Variants in HUNK observed in about 807,000 individuals in gnomAD.
HUNK encodes hormonally up-regulated Neu-associated kinase.
HUNK carries 21 observed loss-of-function variants against 61.0 expected under a neutral mutation model. The observed-to-expected ratio is 0.34, with a 90% CI of 0.24 to 0.50. The LOEUF is 0.50. Ranked by LOEUF, HUNK falls within the 20% of genes least tolerant of loss-of-function variation. The pLI, the probability that HUNK is intolerant of heterozygous loss-of-function variation, is 0.98. For missense variants in HUNK, 772 were observed against 945.7 expected, an observed-to-expected ratio of 0.82 and a Z score of 2.41; for synonymous variants, 371 against 386.1, an observed-to-expected ratio of 0.96 and a Z score of 0.46.
At chr21:31,916,342 G>A (rs554437172) in intron 1 of HUNK, among the ~76,000 whole-genome samples, 3 of 151,828 alleles carry the variant, frequency 2.0e-5, no homozygotes, top group African/African-American at 7.3e-5. Flanking sequence ...GAGCCATTGC[G>A]CCCGGCCCTA....
chr21:31,876,331 G>T (rs2052262210), intron 1 of HUNK, among the ~76,000 whole-genome samples: 1 of 152,192 alleles, frequency 6.6e-6, no homozygotes, highest in African/African-American at 2.4e-5. Context: ...GGCATTGGGA[G>T]AAATCTGGAT....
At chr21:31,987,138 C>T (rs1014223367) in intron 8 of HUNK, among the ~76,000 whole-genome samples, 3 of 152,174 alleles carry the variant, frequency 2.0e-5, no homozygotes, top group African/African-American at 7.2e-5. Flanking sequence ...GATAAGCAAC[C>T]GGAATAGGTA....
At position 32,000,621 on chromosome 21, in the gene HUNK, A is replaced by G. The variant is rs2053239711; in HGVS notation, c.*1437A>G. The G allele has an allele frequency of 2.5e-6, 1 of 399,128 alleles. No homozygotes were observed. The highest frequency in any genetic ancestry group is 3.6e-5 in the East Asian group (1 of 28,086). The allele number at this position is 399,128 out of a possible 1,614,324, so 24.7% of individuals were successfully genotyped here. A position where few individuals can be genotyped will look rare whatever the true frequency, so the allele number is the denominator to read the frequency against. The stretch of plus-strand genomic sequence containing the variant: ...ACTTTTGACCGGTGCAGGTGTGACC[A>G]GAGACCACCTCTGTGGCCACCTCAG... On this transcript the variant is annotated 3_prime_UTR_variant, in exon 11 of 11. Coordinates refer to ENST00000270112, the MANE Select transcript of HUNK (RefSeq NM_014586.2).
chr21:31,973,130 C>A (rs942812424), intron 6 of HUNK, among the ~76,000 whole-genome samples: 1 of 148,170 alleles, frequency 6.7e-6, no homozygotes, highest in African/African-American at 2.6e-5. Context: ...TTGTATCACT[C>A]TTTTTATTTA....
At chr21:31,961,107 C>T (rs1343755493) in intron 5 of HUNK, among the ~76,000 whole-genome samples, 4 of 152,204 alleles carry the variant, frequency 2.6e-5, no homozygotes, top group African/African-American at 9.6e-5. Context: ...CTTCCTTCCT[C>T]CTGCTCTCCC....
rs57280099 is a variant in HUNK at position 31,931,922 on chromosome 21, GCA to G, written c.554+7174_554+7175del. Among the ~76,000 whole-genome samples, 417 of 150,908 alleles carry G rather than the reference GCA, an allele frequency of 2.8e-3. 2 individuals are homozygous for G. Among genetic ancestry groups the G allele is most frequent in the African/African-American group, 9.4e-3 (384 of 41,038 alleles). Reference sequence around the variant, plus strand: ...GGATGCATGTGATGCATGCACGCGCGCACACACACACACGCGCGCCCACCGCC... The same window carrying G: ...GGATGCATGTGATGCATGCACGCGCGCACACACACACGCGCGCCCACCGCC... On this transcript the variant is annotated intron_variant, in intron 2 of 10. Coordinates refer to ENST00000270112, the MANE Select transcript of HUNK (RefSeq NM_014586.2).
Position 31,979,103 on chromosome 21 carries a change from C to T in HUNK, c.1173+4386C>T, listed in dbSNP as rs201121075. Among the ~76,000 whole-genome samples, 16 of 94,156 alleles carry T rather than the reference C, an allele frequency of 1.7e-4. No homozygotes were observed. The East Asian group carries it at 4.2e-3, about 25-fold the overall frequency. The allele number at this position is 94,156 out of a possible 152,430, so 61.8% of individuals were successfully genotyped here. A position where few individuals can be genotyped will look rare whatever the true frequency, so the allele number is the denominator to read the frequency against. ...GGTGATGTTGAGCATACCTATTGGCCATTTCTTTTTTTTTTTTTGAGAGGG... is the reference window on the plus strand; with the variant it reads ...GGTGATGTTGAGCATACCTATTGGCTATTTCTTTTTTTTTTTTTGAGAGGG... On this transcript the variant is annotated intron_variant, in intron 7 of 10. Transcript: ENST00000270112.
chr21:31,995,330 T>G (rs1691592618), intron 9 of HUNK, among the ~76,000 whole-genome samples: 1 of 152,248 alleles, frequency 6.6e-6, no homozygotes, highest in Non-Finnish European at 1.5e-5. Flanking sequence ...TTGGCTTGAC[T>G]GCCCCAAATA....
chr21:31,981,041 T>C (rs900271054), intron 7 of HUNK, among the ~76,000 whole-genome samples: 6 of 152,240 alleles, frequency 3.9e-5, no homozygotes, highest in Non-Finnish European at 2.9e-5. Context: ...ACTTTGCAGA[T>C]GGTGTGAGAC....
intron 4 of HUNK, among the ~76,000 whole-genome samples, chr21:31,957,983 A>C (rs529010692): frequency 6.6e-6 from 1 of 152,272 alleles, no homozygotes; most frequent in South Asian, 2.1e-4. Flanking sequence ...TGGAGCTTCC[A>C]CTGTAGGGGG....
chr21:31,878,369 A>C (rs2052281972), intron 1 of HUNK, among the ~76,000 whole-genome samples: 1 of 152,182 alleles, frequency 6.6e-6, no homozygotes, highest in Admixed American at 6.5e-5. Flanking sequence ...GACATTATAA[A>C]TAATGTTTGT....
chr21:31,911,855 C>T (rs1352471115), intron 1 of HUNK, among the ~76,000 whole-genome samples: 1 of 152,070 alleles, frequency 6.6e-6, no homozygotes, highest in African/African-American at 2.4e-5. Context: ...TGTCCTGTCC[C>T]CAATTCTTAG....
intron 8 of HUNK, among the ~76,000 whole-genome samples, chr21:31,988,772 T>TTC (rs1019181955): frequency 6.7e-6 from 1 of 148,956 alleles, no homozygotes; most frequent in African/African-American, 2.5e-5. Flanking sequence ...CCTCCCTCCT[T>TTC]TCTCTCTCTC....
intron 4 of HUNK, among the ~76,000 whole-genome samples, chr21:31,949,522 C>T (rs2052834279): frequency 1.3e-5 from 2 of 151,940 alleles, no homozygotes; most frequent in Non-Finnish European, 2.9e-5. Flanking sequence ...ACTTTCTTAA[C>T]AGTTAGAGAA....
chr21:31,903,718 T>A (rs1306152927), intron 1 of HUNK, among the ~76,000 whole-genome samples: 1 of 152,218 alleles, frequency 6.6e-6, no homozygotes, highest in Non-Finnish European at 1.5e-5. Flanking sequence ...GAAACAAAAG[T>A]AAAACCCCCA....
rs933403118 is a variant in HUNK, at chr21:31,873,122, T to G, written c.-553T>G. ...TGCAAATTCAAACTGAATGGGGCTT[T>G]CTTCTGCTGCCTTCCAGAGGGCGCC... On this transcript the variant is annotated 5_prime_UTR_variant, in exon 1 of 11. Transcript: ENST00000270112. The surrounding 1 kb of genome is among the most constrained non-coding windows in gnomAD (Gnocchi z 6.1). Among the ~76,000 whole-genome samples the G allele has an allele frequency of 9.2e-5, 14 of 152,112 alleles. No homozygotes were observed. Among genetic ancestry groups the G allele is most frequent in the Non-Finnish European group, 1.3e-4 (9 of 68,006 alleles).
intron 7 of HUNK, among the ~76,000 whole-genome samples, chr21:31,979,644 T>G (rs1346366508): frequency 2.0e-5 from 3 of 148,544 alleles, no homozygotes; most frequent in Non-Finnish European, 4.4e-5. Context: ...GCCTCCCAAG[T>G]AGCTGGGACT....
chr21:31,933,377 C>T (rs537639872), intron 2 of HUNK, among the ~76,000 whole-genome samples: 40 of 152,262 alleles, frequency 2.6e-4, no homozygotes, highest in African/African-American at 9.4e-4. Context: ...GGGCCAGGTA[C>T]AGTGGTTCAC....
Position 31,983,560 on chromosome 21 carries a change from C to G in HUNK, c.1208C>G (p.Thr403Ser), listed in dbSNP as rs1190245444. Residue 403 changes from threonine (T) to serine (S), a missense_variant, in exon 8 of 11, where the codon ACC becomes AGC. By Grantham distance (58) the Thr-to-Ser change is moderately conservative. Transcript: ENST00000270112. The part of the protein sequence containing the change: ...SDIQDSLCYK[T>S]RLYQIEKYRA... ...ATCCAGGACAGCCTCTGCTACAAGACCCGGCTCTACCAGATAGAAAAGTAC... is the reference window on the plus strand; with the variant it reads ...ATCCAGGACAGCCTCTGCTACAAGAGCCGGCTCTACCAGATAGAAAAGTAC... 3 of 1,613,884 alleles carry G rather than the reference C, an allele frequency of 1.9e-6. No individual in the cohort carries two copies. Among genetic ancestry groups the G allele is most frequent in the Non-Finnish European group, 1.7e-6 (2 of 1,179,952 alleles).
Sources: gnomAD v4.1 joint callset for allele counts (sites outside exome capture counted in the v4.1 genomes callset) on GRCh38, gnomAD v4.1.1 for gene constraint, Gnocchi (gnomAD v3.1) non-coding constraint, MANE v1.5 for transcripts, NCBI Gene and HGNC (gene_info 2026-07-23, HGNC 2026-07-21) for gene names.